PTH2R: variants seen among roughly 807,000 people sequenced by gnomAD.
The protein encoded by PTH2R is parathyroid hormone 2 receptor, also known as PTH2 receptor.
A neutral mutation model predicts 60.3 loss-of-function variants in PTH2R; 59 were observed. That is an observed-to-expected ratio of 0.98 (90% CI 0.79 to 1.22). The LOEUF is 1.22. Among genes scored for constraint, PTH2R ranks in the 50% most tolerant of loss-of-function variants. The pLI, the probability that PTH2R is intolerant of heterozygous loss-of-function variation, is 0.00. For synonymous variants in PTH2R, 256 were observed against 243.8 expected (o/e 1.05, Z -0.47); for missense variants, 749 against 682.6 (o/e 1.10, Z -1.08).
intron 1 of PTH2R, among the ~76,000 whole-genome samples, chr2:208,370,271 G>A (rs1700670454): frequency 6.6e-6 from 1 of 151,578 alleles, no homozygotes; most frequent in Non-Finnish European, 1.5e-5. Context: ...GTGAAACCCT[G>A]TCTCTACTAA....
intron 7 of PTH2R, among the ~76,000 whole-genome samples, chr2:208,449,559 G>T (rs570255482): frequency 6.6e-6 from 1 of 151,998 alleles, no homozygotes; most frequent in African/African-American, 2.4e-5. Flanking sequence ...CAGAATTTGA[G>T]CAGATTAAAG....
At chr2:208,487,645 G>T (rs988685417) in intron 10 of PTH2R, among the ~76,000 whole-genome samples, 1 of 152,210 alleles carries the variant, frequency 6.6e-6, no homozygotes, top group African/African-American at 2.4e-5. Flanking sequence ...CTGTAGGTCA[G>T]GAATCTGGGT....
At position 208,374,105 on chromosome 2, in the gene PTH2R, C is replaced by CT. The variant is rs199917630; in HGVS notation, c.-259+13879dup. On this transcript the variant is annotated intron_variant, in intron 1 of 12. Coordinates refer to the PTH2R transcript ENST00000617735. ...CATTAAGTGGGAGGGTCTTTTTTGC[C>CT]TTTTTTTTTTTGACTATCAAAATAC... Among the ~76,000 whole-genome samples, 295 of 143,426 alleles carry CT rather than the reference C, an allele frequency of 2.1e-3. 2 individuals carry two copies. Among genetic ancestry groups the CT allele is most frequent in the East Asian group, 0.018 (90 of 5,018 alleles). 94.1% of individuals were successfully genotyped at this position (143,426 alleles called of 152,430 possible).
chr2:208,435,351 G>GAAGGCA (rs879907349), intron 2 of PTH2R, among the ~76,000 whole-genome samples: 34 of 152,290 alleles, frequency 2.2e-4, no homozygotes, highest in Non-Finnish European at 4.6e-4. Flanking sequence ...TGTGTATGCT[G>GAAGGCA]TGTCACATGG....
intron 1 of PTH2R, among the ~76,000 whole-genome samples, chr2:208,379,058 T>A (rs867893984): frequency 6.6e-6 from 1 of 152,162 alleles, no homozygotes; most frequent in Non-Finnish European, 1.5e-5. Context: ...GTGAAACACA[T>A]GTTCTCTGCA....
chr2:208,485,582 C>T lies in PTH2R; in HGVS notation c.1077-3430C>T, dbSNP rs76548427. On this transcript the variant is annotated intron_variant, in intron 10 of 12. Transcript: ENST00000272847. ...CATGTACACATTTGCCTGGCATATG[C>T]AAACTAGCAAAGCTCATCAGTATTC... 6.0e-3 allele frequency among the ~76,000 whole-genome samples: 915 copies of T among 152,298 alleles called. 13 individuals carry two copies. The East Asian group carries it at 0.061, about 10-fold the overall frequency.
intron 9 of PTH2R, among the ~76,000 whole-genome samples, chr2:208,470,895 G>C (rs1223181179): frequency 6.6e-6 from 1 of 152,166 alleles, no homozygotes. Context: ...TAATGGTGTG[G>C]ACAATGAAAT....
intron 2 of PTH2R, among the ~76,000 whole-genome samples, chr2:208,431,744 T>C (rs1701975292): frequency 6.6e-6 from 1 of 152,208 alleles, no homozygotes; most frequent in Non-Finnish European, 1.5e-5. Flanking sequence ...GGTTTCCTGT[T>C]CAATTTCTCC....
Position 208,493,648 on chromosome 2 carries a change from G to A in PTH2R, c.1642G>A (p.Asp548Asn), listed in dbSNP as rs1337363882. Residue 548 changes from aspartate (D) to asparagine (N), a missense_variant, in exon 13 of 13, where the codon GAT becomes AAT. Physicochemically the swap from Asp to Asn is conservative, Grantham distance 23. Transcript: ENST00000272847. ...TGAAGGATGCCAAGGAGAAACTGAG[G>A]ATGTTCTCTGAATGGACATTTGTGG... ...DTEGCQGETE[D>N]VL The A allele has an allele frequency of 9.7e-6, 15 of 1,550,674 alleles. No homozygotes were observed. The highest frequency in any genetic ancestry group is 1.1e-5 in the Non-Finnish European group (13 of 1,144,986).
chr2:208,434,456 T>G (rs918196126), intron 2 of PTH2R, among the ~76,000 whole-genome samples: 1 of 152,100 alleles, frequency 6.6e-6, no homozygotes, highest in Non-Finnish European at 1.5e-5. Context: ...TTTCTAAAAA[T>G]TGGGCAGCAT....
At chr2:208,442,510 T>A in intron 5 of PTH2R, 49 bp downstream of exon 5, 1 of 1,402,198 alleles carries the variant, frequency 7.1e-7, no homozygotes, top group Non-Finnish European at 1.0e-6. Flanking sequence ...TTGTCTTTCC[T>A]ATCCAGAGAA....
At chr2:208,408,534 G>GAA (rs56382757) in intron 1 of PTH2R, among the ~76,000 whole-genome samples, 2 of 147,092 alleles carry the variant, frequency 1.4e-5, no homozygotes, top group Non-Finnish European at 3.0e-5. Flanking sequence ...AGTACAATAA[G>GAA]AAAAAAAAAA....
intron 1 of PTH2R, among the ~76,000 whole-genome samples, chr2:208,397,266 G>A (rs1701227817): frequency 6.6e-6 from 1 of 151,668 alleles, no homozygotes; most frequent in African/African-American, 2.4e-5. Flanking sequence ...TAACAAACCT[G>A]CATGTTGTGC....
intron 1 of PTH2R, among the ~76,000 whole-genome samples, chr2:208,366,850 T>C (rs1237439848): frequency 2.0e-5 from 3 of 152,248 alleles, no homozygotes; most frequent in Non-Finnish European, 4.4e-5. Context: ...CTTACACTTG[T>C]GCCATTTACC....
At chr2:208,452,377 G>A (rs1012184607) in intron 8 of PTH2R, among the ~76,000 whole-genome samples, 26 of 152,140 alleles carry the variant, frequency 1.7e-4, no homozygotes, top group Non-Finnish European at 3.7e-4. Context: ...TTATTCTTTG[G>A]CTTCATTAAT....
chr2:208,431,100 T>C (rs1475609001), intron 2 of PTH2R, among the ~76,000 whole-genome samples: 2 of 152,214 alleles, frequency 1.3e-5, no homozygotes, highest in Non-Finnish European at 2.9e-5. Flanking sequence ...TGTGTCGATG[T>C]CTTATGTATT....
chr2:208,420,848 A>C (rs1574857366), intron 1 of PTH2R, among the ~76,000 whole-genome samples: 1 of 152,190 alleles, frequency 6.6e-6, no homozygotes, highest in African/African-American at 2.4e-5. Flanking sequence ...CAGTTTTATC[A>C]CATGTAAAGT....
intron 7 of PTH2R, among the ~76,000 whole-genome samples, chr2:208,446,971 C>T (rs1702299264): frequency 1.3e-5 from 2 of 152,092 alleles, no homozygotes; most frequent in South Asian, 2.1e-4. Flanking sequence ...GAGCAGAGAA[C>T]TTGCTTAAAT....
chr2:208,489,157 G>A lies in PTH2R; in HGVS notation c.1215+7G>A. The stretch of plus-strand genomic sequence containing the variant: ...CTTCTTCAACTCCTTTCAGGTAAAG[G>A]GTGCTGCCTAGTCATCTGATTCTTG... On this transcript the variant is annotated splice_region_variant and intron_variant, in intron 11 of 12. Transcript: ENST00000272847. The A allele has an allele frequency of 3.7e-6, 6 of 1,613,700 alleles. No individual in the cohort carries two copies. Among genetic ancestry groups the A allele is most frequent in the Non-Finnish European group, 4.2e-6 (5 of 1,179,842 alleles).
Sources: allele counts gnomAD v4.1 joint callset (sites outside exome capture counted in the v4.1 genomes callset), GRCh38; gene constraint gnomAD v4.1.1; transcripts MANE v1.5; gene names NCBI Gene and HGNC (gene_info 2026-07-23, HGNC 2026-07-21).